The following NMT1 variants were observed in gnomAD, a reference collection of about 807,000 sequenced individuals.
The protein encoded by NMT1 is N-myristoyltransferase 1.
In NMT1, 12 loss-of-function variants were observed where a neutral mutation model predicts 63.4. That is an observed-to-expected ratio of 0.19 (90% CI 0.12 to 0.31). The LOEUF is 0.31. Ranked by LOEUF, NMT1 falls within the 10% of genes least tolerant of loss-of-function variation. NMT1 has a pLI of 1.00. For missense variants in NMT1, 432 were observed against 634.6 expected, an observed-to-expected ratio of 0.68 and a Z score of 3.43; for synonymous variants, 228 against 234.3, an observed-to-expected ratio of 0.97 and a Z score of 0.25.
In NMT1 at chr17:45,105,796, G is replaced by A; in HGVS notation, c.*157G>A. On this transcript the variant is annotated 3_prime_UTR_variant, in exon 12 of 12. Transcript: ENST00000258960. This position sits in a 1 kb window ranked among gnomAD's most constrained non-coding sequence, Gnocchi z 4.2. ...CAAACCGCCAGCGAACTTGACAATT[G>A]TATTGCGATGGCGTGGGCTGCGTGA... 7.5e-6 allele frequency: 5 copies of A among 666,884 alleles called. No homozygotes were observed. The highest frequency in any genetic ancestry group is 7.5e-6 in the Non-Finnish European group (3 of 397,462). 41.3% of individuals were successfully genotyped at this position (666,884 alleles called of 1,614,324 possible).
chr17:45,077,355 T>C (rs1008673765), intron 1 of NMT1, among the ~76,000 whole-genome samples: 1 of 152,198 alleles, frequency 6.6e-6, no homozygotes, highest in Non-Finnish European at 1.5e-5. Context: ...TATCCAACAA[T>C]GGGACACTGC....
At chr17:45,087,697 C>T (rs570814190) in intron 3 of NMT1, among the ~76,000 whole-genome samples, 1 of 152,266 alleles carries the variant, frequency 6.6e-6, no homozygotes, top group African/African-American at 2.4e-5. Flanking sequence ...TATTCCAACA[C>T]CAAATGTAAA....
chr17:45,097,045 C>A (rs1034717104), intron 5 of NMT1, 83 bp from the exon 6 acceptor site: 1 of 1,091,600 alleles, frequency 9.2e-7, no homozygotes, highest in Non-Finnish European at 1.4e-6. Context: ...GCACCAGGTC[C>A]GAACCAAATT....
rs544724082 is a variant in NMT1, at chr17:45,070,669, G to A, written c.131+9209G>A. Among the ~76,000 whole-genome samples, 5 of 152,186 alleles carry A rather than the reference G, an allele frequency of 3.3e-5. No individual in the cohort carries two copies. The South Asian group carries it at 6.2e-4, about 19-fold the overall frequency. ...CCTGACCTCATGATCCGCCCACCTCGGCCTCCCTAAGAGCTGGAATTACAG... is the reference window on the plus strand; with the variant it reads ...CCTGACCTCATGATCCGCCCACCTCAGCCTCCCTAAGAGCTGGAATTACAG... On this transcript the variant is annotated intron_variant, in intron 1 of 11. Coordinates refer to ENST00000258960, the MANE Select transcript of NMT1 (RefSeq NM_021079.5).
intron 1 of NMT1, among the ~76,000 whole-genome samples, chr17:45,074,991 A>G (rs1229619202): frequency 1.3e-5 from 2 of 152,166 alleles, no homozygotes; most frequent in Non-Finnish European, 2.9e-5. Flanking sequence ...AGGCAGGAGG[A>G]TTGCTTGAGC....
intron 1 of NMT1, among the ~76,000 whole-genome samples, chr17:45,071,266 A>G (rs1477094722): frequency 6.6e-6 from 1 of 152,074 alleles, no homozygotes; most frequent in Non-Finnish European, 1.5e-5. Context: ...ACAAGGTTTC[A>G]CTCTGTCACC....
chr17:45,083,083 A>G (rs953398810), intron 2 of NMT1, among the ~76,000 whole-genome samples: 3 of 151,860 alleles, frequency 2.0e-5, no homozygotes, highest in Admixed American at 1.3e-4. Context: ...TTGGGAGGCC[A>G]AGGCGGGTGG....
chr17:45,061,653 C>T (rs531109126), intron 1 of NMT1, 193 bp downstream of exon 1: 2 of 554,414 alleles, frequency 3.6e-6, no homozygotes, highest in South Asian at 2.2e-5. Flanking sequence ...TATTAAGGGC[C>T]GGAGACGTTC....
intron 1 of NMT1, among the ~76,000 whole-genome samples, chr17:45,071,785 C>T: frequency 6.6e-6 from 1 of 152,104 alleles, no homozygotes; most frequent in Non-Finnish European, 1.5e-5. Flanking sequence ...AGTGGCTATT[C>T]ACAAGCGTGG....
At chr17:45,080,040 CT>C (rs2054005408) in intron 1 of NMT1, among the ~76,000 whole-genome samples, 1 of 152,088 alleles carries the variant, frequency 6.6e-6, no homozygotes, top group African/African-American at 2.4e-5. Flanking sequence ...TAACTGGGTG[CT>C]ATTGTTGTTT....
rs377286541 is a variant in NMT1, at chr17:45,105,650, G to A, written c.*11G>A. 39 of 1,612,402 alleles carry A rather than the reference G, an allele frequency of 2.4e-5. No homozygotes were observed. The highest frequency in any genetic ancestry group is 1.6e-4 in the Middle Eastern group (1 of 6,064). The stretch of plus-strand genomic sequence containing the variant: ...CTGGTGCTACAATAACCAGTCACCA[G>A]TGCGATTCTGGATAAAGCCACTGAA... On this transcript the variant is annotated 3_prime_UTR_variant, in exon 12 of 12. Coordinates refer to ENST00000258960, the MANE Select transcript of NMT1 (RefSeq NM_021079.5). The surrounding 1 kb of genome is among the most constrained non-coding windows in gnomAD (Gnocchi z 4.2).
chr17:45,081,632 T>G lies in NMT1; in HGVS notation c.132-12T>G. 6.2e-7 allele frequency: 1 copy of G among 1,606,006 alleles called. No individual in the cohort carries two copies. Among genetic ancestry groups the G allele is most frequent in the South Asian group, 1.1e-5 (1 of 89,814 alleles). On this transcript the variant is annotated splice_polypyrimidine_tract_variant and intron_variant, in intron 1 of 11. Transcript: ENST00000258960. ...TTTTAAACCCTGCATTAGTATTTAC[T>G]TTTTGTTACAGTGGTTTGAGTCCAG... is the stretch of plus-strand genomic sequence containing the variant.
At chr17:45,065,623 C>CAA (rs397944011) in intron 1 of NMT1, among the ~76,000 whole-genome samples, 12,883 of 81,262 alleles carry the variant, frequency 0.16, 1,216 homozygotes, top group Non-Finnish European at 0.22. Context: ...GACTCTGTCT[C>CAA]AAAAAAAAAA....
intron 2 of NMT1, among the ~76,000 whole-genome samples, chr17:45,082,589 G>A (rs2054023800): frequency 6.6e-6 from 1 of 152,072 alleles, no homozygotes; most frequent in Admixed American, 6.6e-5. Context: ...CAGAGATATG[G>A]GTAAGGATTG....
chr17:45,097,049 C>A (rs1231751469), intron 5 of NMT1, 79 bp from the exon 6 acceptor site: 5 of 1,177,930 alleles, frequency 4.2e-6, no homozygotes, highest in Non-Finnish European at 6.3e-6. Flanking sequence ...CAGGTCCGAA[C>A]CAAATTTGGC....
rs924952700 is a variant in NMT1 at position 45,103,319 on chromosome 17, C to T, written c.1164+198C>T. On this transcript the variant is annotated intron_variant, in intron 9 of 11. Transcript: ENST00000258960. This position sits in a 1 kb window ranked among gnomAD's most constrained non-coding sequence, Gnocchi z 4.8. The stretch of plus-strand genomic sequence containing the variant: ...TGGATCTGGCTTGAGCCCTTCTCCC[C>T]CTCTGCCCCACTTTGATAACACAAA... 1.3e-5 allele frequency among the ~76,000 whole-genome samples: 2 copies of T among 152,200 alleles called. No homozygotes were observed. The highest frequency in any genetic ancestry group is 2.9e-5 in the Non-Finnish European group (2 of 68,038).
At chr17:45,079,668 G>C (rs982602802) in intron 1 of NMT1, among the ~76,000 whole-genome samples, 1 of 152,144 alleles carries the variant, frequency 6.6e-6, no homozygotes, top group African/African-American at 2.4e-5. Context: ...ATGCACACGT[G>C]CATACACACA....
rs767839828 is a variant in NMT1, at chr17:45,103,817, G to A, written c.1273G>A (p.Val425Ile). The A allele has an allele frequency of 3.8e-5, 61 of 1,614,054 alleles. No homozygotes were observed. Among genetic ancestry groups the A allele is most frequent in the Non-Finnish European group, 5.0e-5 (59 of 1,180,026 alleles). Residue 425 changes from valine to isoleucine, a missense_variant, in exon 10 of 12, where the codon GTT (valine) becomes ATT (isoleucine). Transcript: ENST00000258960. The surrounding 1 kb of genome is among the most constrained non-coding windows in gnomAD (Gnocchi z 4.8). ...CAAAGCTGCTTATTCTTTCTACAAC[G>A]TTCACACCCAGACCCCTCTTCTAGA... ...SLKAAYSFYN[V>I]HTQTPLLDLM...
chr17:45,084,840 C>G (rs900639311), intron 2 of NMT1, among the ~76,000 whole-genome samples: 2 of 152,114 alleles, frequency 1.3e-5, no homozygotes, highest in Non-Finnish European at 2.9e-5. Context: ...CTGATAGTCT[C>G]TTTTTAGAGA....
Sources: allele counts gnomAD v4.1 joint callset (sites outside exome capture counted in the v4.1 genomes callset), GRCh38; gene constraint gnomAD v4.1.1; non-coding constraint Gnocchi (gnomAD v3.1); transcripts MANE v1.5; gene names NCBI Gene and HGNC (gene_info 2026-07-23, HGNC 2026-07-21).